The following ZFHX3 variants were observed in gnomAD, a reference collection of about 807,000 sequenced individuals.
ZFHX3 encodes zinc finger homeobox protein 3.
ZFHX3 carries 42 observed loss-of-function variants against 279.1 expected under a neutral mutation model. The ratio of observed to expected loss-of-function variants is 0.15; its 90% CI spans 0.12 to 0.19. The LOEUF is 0.19. Among genes scored for constraint, ZFHX3 ranks in the 10% least tolerant of loss-of-function variants. ZFHX3 has a pLI of 1.00. For missense variants in ZFHX3, 4,981 were observed against 4,754.0 expected, an observed-to-expected ratio of 1.05 and a Z score of -1.40; for synonymous variants, 2,293 against 1,957.8, an observed-to-expected ratio of 1.17 and a Z score of -4.52.
At chr16:73,318,094 T>G (rs72799406) in intron 4 of ZFHX3, 18,079 of 152,222 alleles carry the variant, frequency 0.12, 1,186 homozygotes, top group South Asian at 0.23. Context: ...CAGGTAGACT[T>G]GAGTGTCTCA....
intron 2 of ZFHX3, among the ~76,000 whole-genome samples, chr16:73,658,965 C>T (rs1231137910): frequency 1.3e-5 from 2 of 151,978 alleles, no homozygotes; most frequent in African/African-American, 4.8e-5. Context: ...CCCCCCAAAT[C>T]CACCCAGATT....
At chr16:73,741,891 T>G (rs756169397) in intron 1 of ZFHX3, among the ~76,000 whole-genome samples, 1 of 152,248 alleles carries the variant, frequency 6.6e-6, no homozygotes, top group Non-Finnish European at 1.5e-5. Context: ...AAGGGACCGC[T>G]GATTTTATTC....
At chr16:73,801,116 T>G (rs1027822627) in intron 1 of ZFHX3, among the ~76,000 whole-genome samples, 2 of 152,236 alleles carry the variant, frequency 1.3e-5, no homozygotes, top group Non-Finnish European at 2.9e-5. Flanking sequence ...AGGTGCCTTC[T>G]ATTTGTACTT....
At chr16:73,416,045 G>A (rs185491627) in intron 3 of ZFHX3, among the ~76,000 whole-genome samples, 13 of 151,442 alleles carry the variant, frequency 8.6e-5, no homozygotes, top group Non-Finnish European at 1.3e-4. Flanking sequence ...GCTTGAACCC[G>A]GGAGGTGGAG....
intron 4 of ZFHX3, among the ~76,000 whole-genome samples, chr16:72,886,770 C>A (rs1185078196): frequency 6.6e-6 from 1 of 152,136 alleles, no homozygotes; most frequent in African/African-American, 2.4e-5. Flanking sequence ...TGCAGAGCAG[C>A]GGATCAAACA....
At chr16:73,656,992 T>C (rs1219314087) in intron 2 of ZFHX3, among the ~76,000 whole-genome samples, 1 of 152,250 alleles carries the variant, frequency 6.6e-6, no homozygotes, top group Non-Finnish European at 1.5e-5. Context: ...ACACAGAAAT[T>C]CCACTCTTGC....
At chr16:72,886,144 G>A (rs1378223416) in intron 4 of ZFHX3, among the ~76,000 whole-genome samples, 6 of 152,100 alleles carry the variant, frequency 3.9e-5, no homozygotes, top group African/African-American at 9.7e-5. Flanking sequence ...TTCTTAAAGT[G>A]GTTCCTAAAA....
rs1189510091 is a variant in ZFHX3, at chr16:72,797,457, G to GCTT, written c.5222_5224dup (p.Gln1741_Ala1742insGlu). The GCTT allele has an allele frequency of 1.9e-6, 3 of 1,602,612 alleles. No homozygotes were observed. Among genetic ancestry groups the GCTT allele is most frequent in the African/African-American group, 2.8e-5 (2 of 71,308 alleles). ...AGCCTGGGCCTGGGCCAGCGTTTGTGCTTGTTGTTGTTGTTGTTGTTGTTG... is the reference window on the plus strand; with the variant it reads ...AGCCTGGGCCTGGGCCAGCGTTTGTGCTTCTTGTTGTTGTTGTTGTTGTTGTTG... On this transcript the variant is annotated inframe_insertion, in exon 9 of 10. Transcript: ENST00000268489.
intron 2 of ZFHX3, among the ~76,000 whole-genome samples, chr16:73,470,747 T>C (rs139031894): frequency 9.0e-4 from 137 of 152,330 alleles, no homozygotes; most frequent in Admixed American, 1.5e-3. Context: ...TGTGAAAGTA[T>C]CATTAACATG....
At chr16:72,833,619 C>T (rs1337463289) in intron 4 of ZFHX3, among the ~76,000 whole-genome samples, 1 of 152,160 alleles carries the variant, frequency 6.6e-6, no homozygotes, top group East Asian at 1.9e-4. Context: ...TTTCCAATCC[C>T]AACCAGAGCA....
intron 3 of ZFHX3, among the ~76,000 whole-genome samples, chr16:73,352,683 C>T (rs2016269713): frequency 6.6e-6 from 1 of 151,828 alleles, no homozygotes; most frequent in Non-Finnish European, 1.5e-5. Flanking sequence ...TGCGGTCTTG[C>T]TATGTTGCCC....
At chr16:73,461,584 G>A (rs1367606613) in intron 2 of ZFHX3, among the ~76,000 whole-genome samples, 1 of 152,144 alleles carries the variant, frequency 6.6e-6, no homozygotes, top group Non-Finnish European at 1.5e-5. Context: ...CAAGATTGAG[G>A]TTCACTTTTG....
intron 2 of ZFHX3, chr16:73,487,416 T>A: frequency 2.3e-6 from 1 of 433,364 alleles, no homozygotes; most frequent in Middle Eastern, 3.8e-4. Flanking sequence ...TGATTTTTTT[T>A]TTTTTTGGCA....
At chr16:73,586,539 T>C (rs2051929105) in intron 2 of ZFHX3, among the ~76,000 whole-genome samples, 1 of 151,648 alleles carries the variant, frequency 6.6e-6, no homozygotes, top group Non-Finnish European at 1.5e-5. Context: ...AAATAGACTT[T>C]AATTTAAAAA....
chr16:73,834,913 C>A (rs1961097405), intron 1 of ZFHX3, among the ~76,000 whole-genome samples: 1 of 152,060 alleles, frequency 6.6e-6, no homozygotes, highest in Admixed American at 6.6e-5. Flanking sequence ...CGTCTCCCCC[C>A]GTGGGGTCTG....
intron 3 of ZFHX3, among the ~76,000 whole-genome samples, chr16:73,447,105 C>T (rs144682586): frequency 0.039 from 5,782 of 149,938 alleles, 157 homozygotes; most frequent in East Asian, 0.17. Flanking sequence ...GGCATGAACC[C>T]GGGATGCGGA....
chr16:73,071,543 T>G (rs535104315), intron 8 of ZFHX3, among the ~76,000 whole-genome samples: 4 of 152,020 alleles, frequency 2.6e-5, no homozygotes, highest in African/African-American at 9.7e-5. Flanking sequence ...CTGCTCAGCA[T>G]CCTCCCAGCC....
chr16:72,889,110 G>T (rs112501195), intron 4 of ZFHX3, among the ~76,000 whole-genome samples: 15 of 152,076 alleles, frequency 9.9e-5, no homozygotes, highest in African/African-American at 2.9e-4. Context: ...GATGACATGG[G>T]GAGGTAGAAA....
At chr16:73,566,755 G>A (rs946593695) in intron 2 of ZFHX3, among the ~76,000 whole-genome samples, 2 of 150,972 alleles carry the variant, frequency 1.3e-5, no homozygotes, top group Admixed American at 6.6e-5. Flanking sequence ...AGCGCAATGG[G>A]TGGCGCGATC....
Sources: gnomAD v4.1 joint callset for allele counts (sites outside exome capture counted in the v4.1 genomes callset) on GRCh38, gnomAD v4.1.1 for gene constraint, MANE v1.5 for transcripts, NCBI Gene and HGNC (gene_info 2026-07-23, HGNC 2026-07-21) for gene names.